SLC24A4: variants seen among roughly 807,000 people sequenced by gnomAD.
SLC24A4 encodes the protein sodium/potassium/calcium exchanger 4.
A neutral mutation model predicts 79.0 loss-of-function variants in SLC24A4; 53 were observed. That is an observed-to-expected ratio of 0.67 (90% CI 0.54 to 0.84). The LOEUF is 0.84. Among genes scored for constraint, SLC24A4 ranks in the 40% least tolerant of loss-of-function variants. The pLI is 0.00. For synonymous variants in SLC24A4, 323 were observed against 323.8 expected, an observed-to-expected ratio of 1.00 and a Z score of 0.03; for missense variants, 731 against 822.0, an observed-to-expected ratio of 0.89 and a Z score of 1.35.
chr14:92,373,926 C>G (rs1442617314), intron 2 of SLC24A4, among the ~76,000 whole-genome samples: 1 of 152,180 alleles, frequency 6.6e-6, no homozygotes, highest in African/African-American at 2.4e-5. Context: ...GCCCCATCTA[C>G]TCACCCCCTT....
rs1192249029 is a variant in SLC24A4 at position 92,497,528 on chromosome 14, A to G, written c.*3900A>G. The G allele has an allele frequency of 1.3e-5, 2 of 152,168 alleles. No homozygotes were observed. Among genetic ancestry groups the G allele is most frequent in the African/African-American group, 4.8e-5 (2 of 41,412 alleles). 9.4% of individuals were successfully genotyped at this position (152,168 alleles called of 1,614,324 possible). A position where few individuals can be genotyped will look rare whatever the true frequency, so the allele number is the denominator to read the frequency against. The stretch of plus-strand genomic sequence containing the variant: ...GCTGGAGTGGACAGAGGGACAGGAG[A>G]GGATCAGAGTTCATCCCCCCTGGGA... On this transcript the variant is annotated 3_prime_UTR_variant, in exon 17 of 17. Transcript: ENST00000532405.
chr14:92,438,141 A>G (rs571868791), intron 3 of SLC24A4, among the ~76,000 whole-genome samples: 3 of 152,268 alleles, frequency 2.0e-5, no homozygotes, highest in African/African-American at 4.8e-5. Context: ...CTGCTTCTTT[A>G]GACGGCAGTT....
At chr14:92,342,363 C>CATTTATTTATTTATTTATTT (rs10664923) in intron 2 of SLC24A4, among the ~76,000 whole-genome samples, 103 of 137,924 alleles carry the variant, frequency 7.5e-4, no homozygotes, top group East Asian at 1.3e-3. Context: ...TTTTTTTCCC[C>CATTTATTTATTTATTTATTT]ATTTATTTAT....
At chr14:92,446,346 CA>C (rs1892797721) in intron 8 of SLC24A4, among the ~76,000 whole-genome samples, 1 of 152,110 alleles carries the variant, frequency 6.6e-6, no homozygotes, top group African/African-American at 2.4e-5. Context: ...GGGGTTTCAC[CA>C]TGTTGGCCAG....
intron 2 of SLC24A4, among the ~76,000 whole-genome samples, chr14:92,390,414 C>T (rs1276119290): frequency 6.6e-6 from 1 of 152,114 alleles, no homozygotes; most frequent in Non-Finnish European, 1.5e-5. Context: ...TATTTTTAAA[C>T]ACTCTGAACA....
In SLC24A4 at chr14:92,449,232, CAG is replaced by C. The variant is rs776188038; in HGVS notation, c.880+17_880+18del. ...CTGGGGCAAGGTAAGGCTGAGCAGA[CAG>C]GAGTGGGCAGAAATGTGTCCTGGAA... On this transcript the variant is annotated intron_variant, in intron 10 of 16. Coordinates refer to ENST00000532405, the MANE Select transcript of SLC24A4 (RefSeq NM_153646.4). The C allele has an allele frequency of 6.2e-7, 1 of 1,612,242 alleles. No homozygotes were observed. The highest frequency in any genetic ancestry group is 8.5e-7 in the Non-Finnish European group (1 of 1,179,032).
At chr14:92,334,901 A>T (rs1164344608) in intron 2 of SLC24A4, among the ~76,000 whole-genome samples, 2 of 151,702 alleles carry the variant, frequency 1.3e-5, no homozygotes, top group African/African-American at 2.4e-5. Context: ...CATCATCATC[A>T]TCATCATCGT....
chr14:92,345,179 A>G (rs77136413), intron 2 of SLC24A4, among the ~76,000 whole-genome samples: 3,086 of 152,264 alleles, frequency 0.02, 101 homozygotes, highest in African/African-American at 0.063. Context: ...TTGCACATCA[A>G]CCAGTGGAGT....
At chr14:92,468,910 G>C (rs953366663) in intron 12 of SLC24A4, among the ~76,000 whole-genome samples, 1 of 98,974 alleles carries the variant, frequency 1.0e-5, no homozygotes, top group African/African-American at 3.0e-5. Flanking sequence ...GTGTGTGTGT[G>C]TGTGTGTGTG....
chr14:92,343,504 G>A (rs1171938580), intron 2 of SLC24A4, among the ~76,000 whole-genome samples: 5 of 152,112 alleles, frequency 3.3e-5, no homozygotes, highest in African/African-American at 9.7e-5. Context: ...GACCGATTGG[G>A]TTCTCCATTT....
At chr14:92,467,998 A>T (rs1894217411) in intron 12 of SLC24A4, among the ~76,000 whole-genome samples, 1 of 152,200 alleles carries the variant, frequency 6.6e-6, no homozygotes, top group African/African-American at 2.4e-5. Flanking sequence ...TTCTGAATTC[A>T]TGGATGACAT....
At chr14:92,333,815 G>A (rs1435860852) in intron 2 of SLC24A4, among the ~76,000 whole-genome samples, 1 of 152,112 alleles carries the variant, frequency 6.6e-6, no homozygotes, top group African/African-American at 2.4e-5. Context: ...GTTGTGGGGT[G>A]CGGGGGGAGA....
At chr14:92,337,847 A>G (rs1452173463) in intron 2 of SLC24A4, among the ~76,000 whole-genome samples, 3 of 152,132 alleles carry the variant, frequency 2.0e-5, no homozygotes, top group African/African-American at 7.2e-5. Flanking sequence ...TAAGCACTAT[A>G]CAAGTTTTTT....
chr14:92,337,183 G>T (rs1885862174), intron 2 of SLC24A4, among the ~76,000 whole-genome samples: 1 of 152,152 alleles, frequency 6.6e-6, no homozygotes, highest in South Asian at 2.1e-4. Flanking sequence ...TGGCAAACTG[G>T]TTCTCAGTAA....
intron 3 of SLC24A4, among the ~76,000 whole-genome samples, chr14:92,435,803 A>G (rs1892131167): frequency 6.6e-6 from 1 of 152,314 alleles, no homozygotes; most frequent in South Asian, 2.1e-4. Flanking sequence ...CCTGTTTATT[A>G]TTTCTATAAC....
In SLC24A4 at chr14:92,501,378, A is replaced by T. The variant is rs992203182; in HGVS notation, c.*7750A>T. ...AGTTTATTTTTATTGTGAAGAAAAA[A>T]ATCTACAGCAATCTAAACTAAACCT... On this transcript the variant is annotated 3_prime_UTR_variant, in exon 17 of 17. Coordinates refer to ENST00000532405, the MANE Select transcript of SLC24A4 (RefSeq NM_153646.4). 1 of 152,242 alleles carries T rather than the reference A, an allele frequency of 6.6e-6. No individual in the cohort carries two copies. The highest frequency in any genetic ancestry group is 2.4e-5 in the African/African-American group (1 of 41,460). 9.4% of individuals were successfully genotyped at this position (152,242 alleles called of 1,614,324 possible). A position where few individuals can be genotyped will look rare whatever the true frequency, so the allele number is the denominator to read the frequency against.
intron 2 of SLC24A4, among the ~76,000 whole-genome samples, chr14:92,409,863 T>C (rs1450877342): frequency 6.6e-6 from 1 of 152,106 alleles, no homozygotes; most frequent in Non-Finnish European, 1.5e-5. Flanking sequence ...GCCATGTCTA[T>C]GAAAAAATAA....
intron 2 of SLC24A4, among the ~76,000 whole-genome samples, chr14:92,394,896 C>G (rs1210571858): frequency 1.3e-5 from 2 of 152,172 alleles, no homozygotes; most frequent in African/African-American, 2.4e-5. Context: ...AGCCCTGGCT[C>G]TTCTGCTTCC....
chr14:92,411,520 G>A (rs1266226502), intron 2 of SLC24A4, among the ~76,000 whole-genome samples: 6 of 152,170 alleles, frequency 3.9e-5, no homozygotes, highest in Non-Finnish European at 8.8e-5. Flanking sequence ...CACGTCTATA[G>A]TTGGTGGCCC....
Sources: gnomAD v4.1 joint callset for allele counts (sites outside exome capture counted in the v4.1 genomes callset) on GRCh38, gnomAD v4.1.1 for gene constraint, MANE v1.5 for transcripts, NCBI Gene and HGNC (gene_info 2026-07-23, HGNC 2026-07-21) for gene names.